GPR35: variants seen among roughly 807,000 people sequenced by gnomAD.
GPR35 encodes the protein G protein-coupled receptor 35.
For missense variants in GPR35, 372 were observed against 422.5 expected (o/e 0.88, Z 1.05); for synonymous variants, 207 against 198.4 (o/e 1.04, Z -0.36).
chr2:240,614,880 ATATGTG>A (rs2043223551), intron 2 of GPR35, among the ~76,000 whole-genome samples: 1 of 151,654 alleles, frequency 6.6e-6, no homozygotes, highest in South Asian at 2.1e-4. Context: ...GTATCTATAT[ATATGTG>A]TATGTGTATA....
chr2:240,614,387 A>G (rs188600676), intron 2 of GPR35, among the ~76,000 whole-genome samples: 1 of 152,278 alleles, frequency 6.6e-6, no homozygotes, highest in East Asian at 1.9e-4. Flanking sequence ...TCTTCAGCCA[A>G]TGTCAGACCT....
rs2043439902 is a variant in GPR35, at chr2:240,630,894, T to C, written c.*12T>C. The C allele has an allele frequency of 6.3e-7, 1 of 1,599,450 alleles. No individual in the cohort carries two copies. Among genetic ancestry groups the C allele is most frequent in the African/African-American group, 1.3e-5 (1 of 74,546 alleles). ...TGACCCTCGCCTAAGAGGCGTGCTGTGGGCGCTGTGGGCCAGGTCTCGGGG... is the reference window on the plus strand; with the variant it reads ...TGACCCTCGCCTAAGAGGCGTGCTGCGGGCGCTGTGGGCCAGGTCTCGGGG... On this transcript the variant is annotated 3_prime_UTR_variant, in exon 2 of 2. Transcript: ENST00000407714.
At chr2:240,623,537 G>A (rs551520227), upstream of GPR35, among the ~76,000 whole-genome samples, 12 of 152,184 alleles carry the variant, frequency 7.9e-5, no homozygotes, top group African/African-American at 2.6e-4. Flanking sequence ...TGGGGAGAGA[G>A]GGGCCCTGGG....
At chr2:240,623,581 T>C (rs2043333629), upstream of GPR35, among the ~76,000 whole-genome samples, 1 of 151,528 alleles carries the variant, frequency 6.6e-6, no homozygotes, top group African/African-American at 2.4e-5. Flanking sequence ...AACAGCGCTC[T>C]GGAGGGGCCC....
In GPR35 at chr2:240,630,192, G is replaced by A; in HGVS notation, c.240G>A (p.Leu80=). 1.3e-6 allele frequency: 2 copies of A among 1,585,536 alleles called. No individual in the cohort carries two copies. Among genetic ancestry groups the A allele is most frequent in the Non-Finnish European group, 1.7e-6 (2 of 1,168,100 alleles). ...LCTLPFVLHS[L]RDTSDTPLCQ... is the part of the protein sequence containing the mutation. Reference sequence around the variant, plus strand: ...CCTTGCCCTTCGTGCTGCACTCCCTGCGAGACACCTCAGACACGCCGCTGT... The same window carrying A: ...CCTTGCCCTTCGTGCTGCACTCCCTACGAGACACCTCAGACACGCCGCTGT... The change falls in exon 2 of 2, where the codon CTG becomes CTA. Residue 80 remains leucine (L), a synonymous_variant. Coordinates refer to ENST00000407714, the MANE Select transcript of GPR35 (RefSeq NM_005301.5).
chr2:240,625,653 G>GA, intron 1 of GPR35, 85 bp downstream of exon 1: 2 of 533,024 alleles, frequency 3.8e-6, no homozygotes, highest in African/African-American at 2.2e-5. Flanking sequence ...CTGTGATGGG[G>GA]TCTCAGAGCA....
rs1189333694 is a variant in GPR35, at chr2:240,630,442, A to G, written c.490A>G (p.Arg164Gly). 2 of 1,612,830 alleles carry G rather than the reference A, an allele frequency of 1.2e-6. No individual in the cohort carries two copies. Among genetic ancestry groups the G allele is most frequent in the Non-Finnish European group, 1.7e-6 (2 of 1,179,956 alleles). The part of the protein sequence containing the change: ...LGIQEGGFCF[R>G]STRHNFNSMA... ...GATTCAGGAGGGCGGCTTCTGCTTC[A>G]GGAGCACCCGGCACAATTTCAACTC... The change falls in exon 2 of 2, where the codon AGG becomes GGG. Residue 164 changes from arginine to glycine, a missense_variant. By Grantham distance (125) the Arg-to-Gly change is moderately radical. Coordinates refer to ENST00000407714, the MANE Select transcript of GPR35 (RefSeq NM_005301.5).
upstream of GPR35, among the ~76,000 whole-genome samples, chr2:240,623,554 C>T (rs936263718): frequency 2.7e-5 from 4 of 150,418 alleles, no homozygotes; most frequent in African/African-American, 9.8e-5. Context: ...TGGGGGTGAG[C>T]GGGGAGCTAG....
At chr2:240,609,078 C>A (rs1044231109) in intron 2 of GPR35, among the ~76,000 whole-genome samples, 1 of 152,058 alleles carries the variant, frequency 6.6e-6, no homozygotes, top group African/African-American at 2.4e-5. Flanking sequence ...GATGTCTCAT[C>A]TTTTATTCCT....
At chr2:240,624,965 CGTGTGCATGTGT>C (rs559077204), upstream of GPR35, among the ~76,000 whole-genome samples, 277 of 152,206 alleles carry the variant, frequency 1.8e-3, 2 homozygotes, top group African/African-American at 6.3e-3. Flanking sequence ...TGTGCATTGG[CGTGTGCATGTGT>C]GTGTGCATGT....
At chr2:240,618,661 C>T (rs574430376) in intron 4 of GPR35, among the ~76,000 whole-genome samples, 2 of 152,290 alleles carry the variant, frequency 1.3e-5, no homozygotes, top group African/African-American at 4.8e-5. Context: ...CACAGAAGTC[C>T]GTCCCTATCC....
chr2:240,619,581 G>A (rs1023131770), intron 5 of GPR35, among the ~76,000 whole-genome samples: 3 of 152,254 alleles, frequency 2.0e-5, no homozygotes, highest in African/African-American at 4.8e-5. Flanking sequence ...CAGCCAGGCC[G>A]GGATCCTGCT....
chr2:240,614,849 A>G (rs1033443219), intron 2 of GPR35, among the ~76,000 whole-genome samples: 1 of 152,052 alleles, frequency 6.6e-6, no homozygotes, highest in East Asian at 1.9e-4. Context: ...GTATGTGTAT[A>G]TATCTATGTA....
intron 1 of GPR35, among the ~76,000 whole-genome samples, chr2:240,626,041 A>G (rs2043371260): frequency 2.0e-5 from 1 of 49,878 alleles, no homozygotes; most frequent in African/African-American, 6.9e-5. Flanking sequence ...ATGGGGTCTC[A>G]GAGTGGGGTG....
intron 4 of GPR35, chr2:240,618,815 T>C (rs1305305374): frequency 3.8e-6 from 2 of 532,578 alleles, no homozygotes; most frequent in East Asian, 6.2e-5. Context: ...ACATGCTTTT[T>C]TTCATTTACA....
At chr2:240,616,363 C>T (rs2043237005) in intron 2 of GPR35, 1 of 749,024 alleles carries the variant, frequency 1.3e-6, no homozygotes, top group South Asian at 1.4e-5. Flanking sequence ...CAGCTTCCTC[C>T]TCCGTCTCTC....
chr2:240,612,702 G>A (rs566463437), intron 2 of GPR35, among the ~76,000 whole-genome samples: 9 of 152,244 alleles, frequency 5.9e-5, no homozygotes, highest in Non-Finnish European at 1.0e-4. Flanking sequence ...AGCCGCACAC[G>A]GCTCTTCAGC....
intron 1 of GPR35, among the ~76,000 whole-genome samples, chr2:240,625,987 C>T (rs1243835881): frequency 0.031 from 374 of 12,190 alleles, 1 homozygote; most frequent in South Asian, 0.05. Flanking sequence ...GTTCTCAGAG[C>T]AGGGTGAGGC....
chr2:240,631,310 G>A lies in GPR35; in HGVS notation c.*428G>A, dbSNP rs912081740. 1.0e-4 allele frequency: 22 copies of A among 217,812 alleles called. No individual in the cohort carries two copies. The highest frequency in any genetic ancestry group is 3.7e-4 in the Admixed American group (7 of 19,154). The allele number at this position is 217,812 out of a possible 1,614,324, so 13.5% of individuals were successfully genotyped here. A position where few individuals can be genotyped will look rare whatever the true frequency, so the allele number is the denominator to read the frequency against. On this transcript the variant is annotated 3_prime_UTR_variant, in exon 2 of 2. Transcript: ENST00000407714. ...GTGTGGTGGGAGGCAGGGAGGGAGC[G>A]CGTGGCTCAGAGGGCTGGCGGACAT...
Sources: gnomAD v4.1 joint callset for allele counts (sites outside exome capture counted in the v4.1 genomes callset) on GRCh38, gnomAD v4.1.1 for gene constraint, MANE v1.5 for transcripts, NCBI Gene and HGNC (gene_info 2026-07-23, HGNC 2026-07-21) for gene names.